Variants in C2CD5 observed in about 807,000 individuals in gnomAD.
The protein encoded by C2CD5 is C2 domain-containing protein 5.
A neutral mutation model predicts 130.3 loss-of-function variants in C2CD5; 109 were observed. That is an observed-to-expected ratio of 0.84 (90% confidence interval 0.72 to 0.98). C2CD5 has a LOEUF of 0.98. C2CD5 is among the 50% of genes least tolerant of loss of function. C2CD5 has a pLI of 0.00. For missense variants in C2CD5, 996 were observed against 1,261.8 expected (o/e 0.79, Z 3.19); for synonymous variants, 454 against 429.2 (o/e 1.06, Z -0.71).
At chr12:22,495,347 T>TA in intron 10 of C2CD5, among the ~76,000 whole-genome samples, 1 of 152,148 alleles carries the variant, frequency 6.6e-6, no homozygotes, top group Admixed American at 6.6e-5. Context: ...TAGAAATTAA[T>TA]AAAAAATGGA....
At chr12:22,506,149 C>CTATCTGTT (rs1053118397) in intron 10 of C2CD5, among the ~76,000 whole-genome samples, 7 of 152,062 alleles carry the variant, frequency 4.6e-5, no homozygotes, top group African/African-American at 1.7e-4. Flanking sequence ...CCTCTGCTAC[C>CTATCTGTT]TATCTGTTCC....
intron 15 of C2CD5, among the ~76,000 whole-genome samples, chr12:22,475,237 G>A (rs1282150009): frequency 6.6e-6 from 1 of 152,048 alleles, no homozygotes; most frequent in East Asian, 1.9e-4. Flanking sequence ...CATTATAAAA[G>A]TCCTAATAGG....
At chr12:22,469,660 G>T (rs984467882) in intron 22 of C2CD5, 49 bp downstream of exon 22, 12 of 1,127,692 alleles carry the variant, frequency 1.1e-5, no homozygotes, top group Non-Finnish European at 1.4e-5. Flanking sequence ...AGCAGTGAAA[G>T]GAACTAGAAA....
At chr12:22,457,290 G>C (rs1940092299) in intron 24 of C2CD5, 129 bp from the exon 25 acceptor site, 2 of 553,462 alleles carry the variant, frequency 3.6e-6, no homozygotes, top group Non-Finnish European at 6.2e-6. Context: ...TGAAAGAAAA[G>C]AAATTATCAT....
intron 10 of C2CD5, among the ~76,000 whole-genome samples, chr12:22,502,233 T>C (rs1052162491): frequency 6.6e-6 from 1 of 152,100 alleles, no homozygotes; most frequent in Non-Finnish European, 1.5e-5. Context: ...AAGTCTATTC[T>C]TAGTTATCTA....
intron 15 of C2CD5, chr12:22,478,107 T>C: frequency 1.9e-6 from 1 of 532,898 alleles, no homozygotes; most frequent in Non-Finnish European, 3.4e-6. Context: ...GTGGCAAAAA[T>C]GAAGTCACAA....
chr12:22,512,657 C>T lies in C2CD5; in HGVS notation c.1038+637G>A, dbSNP rs1339938480. 2.7e-6 allele frequency: 4 copies of T among 1,488,796 alleles called. No homozygotes were observed. In the Admixed American group the frequency reaches 8.7e-5, roughly 32 times the overall value. 92.2% of individuals were successfully genotyped at this position (1,488,796 alleles called of 1,614,324 possible). ...TTTTCAGAAACATACCCGCCTTCTA[C>T]AGAACCTATGAGGCGATCCTCCCTT... On this transcript the variant is annotated intron_variant, in intron 9 of 26. Coordinates refer to ENST00000446597, the MANE Select transcript of C2CD5 (RefSeq NM_001286176.2).
chr12:22,477,917 C>A (rs1447227905), intron 15 of C2CD5: 1 of 167,394 alleles, frequency 6.0e-6, no homozygotes, highest in Non-Finnish European at 1.3e-5. Flanking sequence ...GAGACTACCA[C>A]CAATAGGAAC....
At chr12:22,544,280 G>C (rs892092176) in intron 1 of C2CD5, 40 bp downstream of exon 1, 1 of 738,058 alleles carries the variant, frequency 1.4e-6, no homozygotes, top group Admixed American at 3.9e-5. Flanking sequence ...GCGGGGGCGC[G>C]CGCGGGCGCC....
intron 2 of C2CD5, among the ~76,000 whole-genome samples, chr12:22,537,862 C>A (rs1951972922): frequency 6.6e-6 from 1 of 152,184 alleles, no homozygotes; most frequent in Non-Finnish European, 1.5e-5. Context: ...CAATTGGTAA[C>A]ACACATTAAC....
Position 22,484,716 on chromosome 12 carries a change from CT to C in C2CD5, c.1530del (p.Gly511ValfsTer11). On this transcript the variant is annotated frameshift_variant, in exon 13 of 27. Transcript: ENST00000446597. LOFTEE classifies it high-confidence loss of function. ...DLPTDATVIG[K>X]GCLIQARLCR... ...ACATACCTTGCTTGAATAAGACAACCTTTTCCAATAACTGTTGCATCTGTTG... is the reference window on the plus strand; with the variant it reads ...ACATACCTTGCTTGAATAAGACAACCTTTCCAATAACTGTTGCATCTGTTG... 3 of 1,588,486 alleles carry C rather than the reference CT, an allele frequency of 1.9e-6. No individual in the cohort carries two copies. Among genetic ancestry groups the C allele is most frequent in the African/African-American group, 1.4e-5 (1 of 73,556 alleles).
At chr12:22,512,709 AAAGAGAGAG>A in intron 9 of C2CD5, 1 of 1,467,058 alleles carries the variant, frequency 6.8e-7, no homozygotes, top group Non-Finnish European at 9.0e-7. Context: ...TAAAAAAAAA[AAAGAGAGAG>A]AGAGAAATCA....
At chr12:22,511,973 C>T (rs1407197121) in intron 9 of C2CD5, among the ~76,000 whole-genome samples, 2 of 152,242 alleles carry the variant, frequency 1.3e-5, no homozygotes, top group African/African-American at 4.8e-5. Context: ...CACACAGCTT[C>T]ACTCTGACCC....
intron 15 of C2CD5, among the ~76,000 whole-genome samples, chr12:22,475,171 G>A (rs2136221164): frequency 6.6e-6 from 1 of 152,120 alleles, no homozygotes; most frequent in South Asian, 2.1e-4. Context: ...TATGGAATTG[G>A]CAGTCCTTAC....
At chr12:22,487,325 C>T (rs1178458828) in intron 12 of C2CD5, among the ~76,000 whole-genome samples, 1 of 152,176 alleles carries the variant, frequency 6.6e-6, no homozygotes, top group East Asian at 1.9e-4. Context: ...GGGCTAATAT[C>T]CAGAATCTAC....
intron 13 of C2CD5, 141 bp from the exon 14 acceptor site, chr12:22,482,884 T>C (rs1351905595): frequency 1.6e-6 from 1 of 645,062 alleles, no homozygotes; most frequent in Non-Finnish European, 2.7e-6. Flanking sequence ...AATAATCTGT[T>C]CTGCTTTTTG....
chr12:22,494,550 A>G (rs1354124303), intron 10 of C2CD5, among the ~76,000 whole-genome samples: 1 of 152,062 alleles, frequency 6.6e-6, no homozygotes, highest in African/African-American at 2.4e-5. Flanking sequence ...GAGGATCAGC[A>G]AAAGGGAGAA....
Position 22,482,721 on chromosome 12 carries a change from C to T in C2CD5, c.1573G>A (p.Ala525Thr), listed in dbSNP as rs1297350412. The T allele has an allele frequency of 6.2e-7, 1 of 1,613,390 alleles. No homozygotes were observed. Among genetic ancestry groups the T allele is most frequent in the Non-Finnish European group, 8.5e-7 (1 of 1,179,504 alleles). Residue 525 changes from alanine (A) to threonine (T), a missense_variant, in exon 14 of 27, where the codon GCA becomes ACA. By Grantham distance (58) the Ala-to-Thr change is moderately conservative. This residue lies in a region of C2CD5 where 590 missense variants were observed against 631.4 expected (regional missense o/e 0.93). Transcript: ENST00000446597. ...QARLCRLKKK[A>T]QAEANATAIS... ...GCTGTAGCATTTGCTTCTGCCTGTGCTTTCTTTTTTAAGCGACATAACCTG... is the reference window on the plus strand; with the variant it reads ...GCTGTAGCATTTGCTTCTGCCTGTGTTTTCTTTTTTAAGCGACATAACCTG...
chr12:22,535,410 G>A lies in C2CD5; in HGVS notation c.91-66C>T, dbSNP rs1192839803. The A allele has an allele frequency of 1.1e-5, 9 of 819,204 alleles. No individual in the cohort carries two copies. In the Admixed American group the frequency reaches 1.2e-4, roughly 11 times the overall value. 50.7% of individuals were successfully genotyped at this position (819,204 alleles called of 1,614,324 possible). A position where few individuals can be genotyped will look rare whatever the true frequency, so the allele number is the denominator to read the frequency against. On this transcript the variant is annotated intron_variant, in intron 2 of 26. Coordinates refer to ENST00000446597, the MANE Select transcript of C2CD5 (RefSeq NM_001286176.2). ...AATGTGAATAAAAGTAAATTTTAAT[G>A]TCAGCCAACCAATAGAAGGATAAAC...
Sources: gnomAD v4.1 joint callset for allele counts (sites outside exome capture counted in the v4.1 genomes callset) on GRCh38, gnomAD v4.1.1 for gene constraint, gnomAD v4.1.1 regional missense constraint, MANE v1.5 for transcripts, NCBI Gene and HGNC (gene_info 2026-07-23, HGNC 2026-07-21) for gene names.